The following TMEM117 variants were observed in gnomAD, a reference collection of about 807,000 sequenced individuals.
TMEM117 encodes the protein transmembrane protein 117.
A neutral mutation model predicts 52.4 loss-of-function variants in TMEM117; 27 were observed. The ratio of observed to expected loss-of-function variants is 0.51; its 90% CI spans 0.38 to 0.71. The LOEUF (loss-of-function observed/expected upper bound fraction) is 0.71, where lower values mean the gene tolerates loss of function less well. Ranked by LOEUF, TMEM117 falls within the 30% of genes least tolerant of loss-of-function variation. The probability of loss-of-function intolerance (pLI) is 0.00; values close to 1 mark genes in which losing one functional copy is unlikely to be tolerated. For missense variants in TMEM117, 556 were observed against 630.5 expected, an observed-to-expected ratio of 0.88 and a Z score of 1.26; for synonymous variants, 215 against 206.3, an observed-to-expected ratio of 1.04 and a Z score of -0.36.
chr12:43,806,286 C>T, the TMEM117 span: 23 of 1,456,690 alleles, frequency 1.6e-5, no homozygotes, highest in Non-Finnish European at 2.1e-5. Context: ...CTGAGTGCAG[C>T]CAGCGGCCCC....
At chr12:43,964,807 ACTT>A (rs1945458782) in intron 3 of TMEM117, among the ~76,000 whole-genome samples, 2 of 152,174 alleles carry the variant, frequency 1.3e-5, no homozygotes, top group Non-Finnish European at 2.9e-5. Context: ...TCTGATTGGT[ACTT>A]CTTATGCCAT....
chr12:44,237,606 A>T (rs765442121), intron 5 of TMEM117, among the ~76,000 whole-genome samples: 2 of 152,010 alleles, frequency 1.3e-5, no homozygotes, highest in Non-Finnish European at 2.9e-5. Context: ...AATCCCCGCT[A>T]CTTGGGAGGC....
At chr12:43,837,549 G>A (rs1171451699) in intron 1 of TMEM117, among the ~76,000 whole-genome samples, 1 of 152,082 alleles carries the variant, frequency 6.6e-6, no homozygotes, top group East Asian at 1.9e-4. Flanking sequence ...GTTTCACCAT[G>A]TTGGTCAGGC....
intron 1 of TMEM117, among the ~76,000 whole-genome samples, chr12:43,842,074 G>A (rs1368148313): frequency 5.9e-5 from 9 of 152,060 alleles, no homozygotes; most frequent in South Asian, 4.1e-4. Context: ...TTTTTTTGTA[G>A]TGGTGGTCTG....
intron 3 of TMEM117, among the ~76,000 whole-genome samples, chr12:44,092,027 C>G (rs1378463772): frequency 6.6e-6 from 1 of 152,130 alleles, no homozygotes. Flanking sequence ...AAAAGTATAG[C>G]CATCCCATGT....
At chr12:44,213,124 A>C (rs1949669032) in intron 5 of TMEM117, among the ~76,000 whole-genome samples, 1 of 152,144 alleles carries the variant, frequency 6.6e-6, no homozygotes, top group South Asian at 2.1e-4. Flanking sequence ...TGATTATAAG[A>C]AATATTTATT....
At chr12:43,879,701 G>A (rs1175010956) in intron 2 of TMEM117, among the ~76,000 whole-genome samples, 1 of 152,168 alleles carries the variant, frequency 6.6e-6, no homozygotes, top group African/African-American at 2.4e-5. Flanking sequence ...GTATCAGCAT[G>A]CATAGTTTGA....
At chr12:43,825,988 C>T in the TMEM117 span, among the ~76,000 whole-genome samples, 4 of 152,240 alleles carry the variant, frequency 2.6e-5, no homozygotes, top group Non-Finnish European at 5.9e-5. Flanking sequence ...GATAACTTCT[C>T]ATTGTCTGAA....
At chr12:43,929,938 T>C (rs1164795437) in intron 2 of TMEM117, among the ~76,000 whole-genome samples, 1 of 152,186 alleles carries the variant, frequency 6.6e-6, no homozygotes, top group Non-Finnish European at 1.5e-5. Flanking sequence ...TTATGTCTTG[T>C]TTCTTTATGT....
chr12:43,880,300 T>A (rs1943874174), intron 2 of TMEM117, among the ~76,000 whole-genome samples: 2 of 152,166 alleles, frequency 1.3e-5, no homozygotes, highest in Admixed American at 6.5e-5. Flanking sequence ...TTGCACTATA[T>A]ACTGTTATTT....
chr12:44,252,305 G>A (rs181628353), intron 5 of TMEM117, among the ~76,000 whole-genome samples: 1 of 152,202 alleles, frequency 6.6e-6, no homozygotes, highest in East Asian at 1.9e-4. Flanking sequence ...CAGAGTTCGA[G>A]ACCATCCTGG....
intron 3 of TMEM117, among the ~76,000 whole-genome samples, chr12:44,052,353 C>A (rs1181461320): frequency 1.3e-5 from 2 of 152,038 alleles, no homozygotes; most frequent in Non-Finnish European, 2.9e-5. Flanking sequence ...TCAATCCAGT[C>A]CAGGGCAATA....
In TMEM117 at chr12:43,846,547, G is replaced by A. The variant is rs180771288; in HGVS notation, c.277+1619G>A. ...GGTATTTATTCAATAGATGTTCATC[G>A]CTTATTACATGCCAGACACAATTCT... On this transcript the variant is annotated intron_variant, in intron 2 of 7. Coordinates refer to ENST00000266534, the MANE Select transcript of TMEM117 (RefSeq NM_032256.3). Among the ~76,000 whole-genome samples the A allele has an allele frequency of 1.5e-3, 222 of 152,252 alleles. 1 individual carries two copies. The highest frequency in any genetic ancestry group is 4.6e-3 in the African/African-American group (191 of 41,538).
chr12:43,989,453 A>T (rs1945902282), intron 3 of TMEM117, among the ~76,000 whole-genome samples: 1 of 151,884 alleles, frequency 6.6e-6, no homozygotes, highest in African/African-American at 2.4e-5. Flanking sequence ...ATTTTTTTTT[A>T]AACGGCAATC....
intron 3 of TMEM117, among the ~76,000 whole-genome samples, chr12:44,082,421 G>T (rs1023694116): frequency 6.6e-6 from 1 of 151,924 alleles, no homozygotes; most frequent in Non-Finnish European, 1.5e-5. Context: ...TTCTAAGTCA[G>T]TGTATCTATA....
At chr12:44,088,379 A>G (rs1459486403) in intron 3 of TMEM117, among the ~76,000 whole-genome samples, 2 of 152,246 alleles carry the variant, frequency 1.3e-5, no homozygotes, top group African/African-American at 4.8e-5. Flanking sequence ...GTAAGAAAAA[A>G]TTATATTCAG....
chr12:44,339,116 G>A (rs1246818595), intron 6 of TMEM117, among the ~76,000 whole-genome samples: 2 of 151,990 alleles, frequency 1.3e-5, no homozygotes, highest in Non-Finnish European at 2.9e-5. Flanking sequence ...TTAAACACTG[G>A]TATCTATGCT....
chr12:44,390,590 G>A (rs944344798), downstream of TMEM117, among the ~76,000 whole-genome samples: 6 of 151,628 alleles, frequency 4.0e-5, no homozygotes, highest in African/African-American at 1.5e-4. Context: ...AACAAACTTA[G>A]AACAACATGT....
intron 2 of TMEM117, among the ~76,000 whole-genome samples, chr12:43,869,791 G>C (rs543314176): frequency 2.0e-5 from 3 of 152,142 alleles, no homozygotes; most frequent in Admixed American, 6.5e-5. Context: ...GTGTACATCT[G>C]CAGGATGTGC....
Sources: gnomAD v4.1 joint callset for allele counts (sites outside exome capture counted in the v4.1 genomes callset) on GRCh38, gnomAD v4.1.1 for gene constraint, MANE v1.5 for transcripts, NCBI Gene and HGNC (gene_info 2026-07-23, HGNC 2026-07-21) for gene names.